AHNAK: variants seen among roughly 807,000 people sequenced by gnomAD.
The protein encoded by AHNAK is AHNAK nucleoprotein.
Under a neutral mutation model 37.8 loss-of-function variants are expected in AHNAK, and 23 were observed. The observed-to-expected ratio is 0.61, with a 90% CI of 0.44 to 0.86. AHNAK has a LOEUF of 0.86. Ranked by LOEUF, AHNAK falls within the 40% of genes least tolerant of loss-of-function variation. AHNAK has a pLI of 0.00. For synonymous variants in AHNAK, 2,481 were observed against 2,636.3 expected (o/e 0.94, Z 1.80); for missense variants, 7,411 against 7,319.4 (o/e 1.01, Z -0.46).
intron 4 of AHNAK, among the ~76,000 whole-genome samples, chr11:62,508,720 G>C (rs527437518): frequency 1.3e-5 from 2 of 152,232 alleles, no homozygotes; most frequent in Non-Finnish European, 2.9e-5. Context: ...CTGACGCCAC[G>C]GGGCAATTCA....
intron 5 of AHNAK, among the ~76,000 whole-genome samples, chr11:62,447,383 C>T (rs1302146976): frequency 6.6e-6 from 1 of 152,118 alleles, no homozygotes; most frequent in Non-Finnish European, 1.5e-5. Context: ...TGGGGACGAT[C>T]CCTCCATCAT....
In AHNAK at chr11:62,516,536, G is replaced by A. The variant is rs1250362741; in HGVS notation, c.*208C>T. ...ATACTGTTGACTTTGCACATGGGCT[G>A]GACGAACTTGGAACTCTTTACCTAT... is the stretch of plus-strand genomic sequence containing the variant. On this transcript the variant is annotated 3_prime_UTR_variant, in exon 5 of 5. Transcript: ENST00000378024. 3 of 1,416,486 alleles carry A rather than the reference G, an allele frequency of 2.1e-6. No homozygotes were observed. The highest frequency in any genetic ancestry group is 3.3e-5 in the South Asian group (2 of 61,394). The allele number at this position is 1,416,486 out of a possible 1,614,324, so 87.7% of individuals were successfully genotyped here.
At chr11:62,503,879 G>A (rs1283594646) in intron 4 of AHNAK, among the ~76,000 whole-genome samples, 1 of 152,056 alleles carries the variant, frequency 6.6e-6, no homozygotes, top group Non-Finnish European at 1.5e-5. Context: ...CCTGCCTCCA[G>A]GCCGGGCGTG....
At chr11:62,482,625 G>A (rs1590619633) in intron 5 of AHNAK, among the ~76,000 whole-genome samples, 1 of 151,948 alleles carries the variant, frequency 6.6e-6, no homozygotes, top group Non-Finnish European at 1.5e-5. Context: ...AAGCATTTAC[G>A]CCATGCCCGA....
At chr11:62,542,234 C>T (rs1941150802) in intron 1 of AHNAK, among the ~76,000 whole-genome samples, 1 of 151,958 alleles carries the variant, frequency 6.6e-6, no homozygotes, top group African/African-American at 2.4e-5. Context: ...CCAGCCTTCA[C>T]CGGCTCACAA....
chr11:62,478,098 G>A (rs1426997468), intron 5 of AHNAK, among the ~76,000 whole-genome samples: 6 of 152,196 alleles, frequency 3.9e-5, no homozygotes, highest in African/African-American at 1.4e-4. Context: ...GCTATCTTAA[G>A]AGCAGAGCCC....
Position 62,504,204 on chromosome 11 carries a change from AAGAG to A in AHNAK, c.343-12377_343-12374del, listed in dbSNP as rs575596216. Among the ~76,000 whole-genome samples, 231 of 151,896 alleles carry A rather than the reference AAGAG, an allele frequency of 1.5e-3. 1 individual carries two copies. Among genetic ancestry groups the A allele is most frequent in the African/African-American group, 5.1e-3 (213 of 41,458 alleles). On this transcript the variant is annotated intron_variant, in intron 4 of 5. Transcript: ENST00000257247. ...AGAGAGAAAGAAAAAGAAAGAAAGA[AAGAG>A]AGAGAGAGAAAGAAAGAGAGTCTTA...
At chr11:62,515,222 C>A (rs1939986079), downstream of AHNAK, among the ~76,000 whole-genome samples, 1 of 152,204 alleles carries the variant, frequency 6.6e-6, no homozygotes, top group Non-Finnish European at 1.5e-5. Flanking sequence ...ATAACTTACA[C>A]AAGATCAGCA....
In AHNAK at chr11:62,533,555, C is replaced by A; in HGVS notation, c.862G>T (p.Ala288Ser). The change falls in exon 5 of 5, where the codon GCA becomes TCA. Residue 288 changes from alanine to serine, a missense_variant. Physicochemically the swap from Ala to Ser is moderately conservative, Grantham distance 99. Transcript: ENST00000378024. The stretch of plus-strand genomic sequence containing the variant: ...AGAGATGGGCCCTGTACCTCTACTG[C>A]CCTACCCCCAAGAGAAGATGAAATG... ...VDISSSLGGR[A>S]VEVQGPSLES... 1 of 1,614,164 alleles carries A rather than the reference C, an allele frequency of 6.2e-7. No homozygotes were observed. The highest frequency in any genetic ancestry group is 8.5e-7 in the Non-Finnish European group (1 of 1,180,028).
At chr11:62,535,507 G>GT (rs1469603593) in intron 3 of AHNAK, among the ~76,000 whole-genome samples, 1 of 152,074 alleles carries the variant, frequency 6.6e-6, no homozygotes, top group African/African-American at 2.4e-5. Flanking sequence ...AATTAGTCTG[G>GT]TGTGGTGGTG....
At position 62,521,365 on chromosome 11, in the gene AHNAK, T is replaced by C. The variant is rs200917311; in HGVS notation, c.13052A>G (p.Lys4351Arg). The C allele has an allele frequency of 3.0e-5, 49 of 1,613,794 alleles. No homozygotes were observed. The highest frequency in any genetic ancestry group is 3.0e-5 in the Non-Finnish European group (35 of 1,180,008). ...GACATCAGGGGCATCAATGTCCACT[T>C]TGGGGCCAGAAATCTCAATGTCAGC... is the stretch of plus-strand genomic sequence containing the variant. ...PKADIEISGP[K>R]VDIDAPDVSI... The change falls in exon 5 of 5, where the codon AAA (lysine) becomes AGA (arginine). Residue 4351 changes from lysine to arginine, a missense_variant. By Grantham distance (26) the Lys-to-Arg change is conservative. Transcript: ENST00000378024.
At chr11:62,445,779 G>A (rs917651242) in intron 5 of AHNAK, among the ~76,000 whole-genome samples, 4 of 151,016 alleles carry the variant, frequency 2.6e-5, no homozygotes, top group Admixed American at 1.3e-4. Context: ...CACTTTGGGA[G>A]GCTGAGGCAG....
intron 5 of AHNAK, among the ~76,000 whole-genome samples, chr11:62,459,602 T>C (rs1938743149): frequency 1.3e-5 from 2 of 152,148 alleles, no homozygotes; most frequent in African/African-American, 4.8e-5. Flanking sequence ...CAAGCCCCTC[T>C]GCTGGGCAGA....
intron 5 of AHNAK, among the ~76,000 whole-genome samples, chr11:62,466,382 T>C (rs531582706): frequency 6.6e-6 from 1 of 152,148 alleles, no homozygotes; most frequent in South Asian, 2.1e-4. Flanking sequence ...AACACCAGAG[T>C]TGTATATAGC....
At chr11:62,459,622 G>A (rs990566965) in intron 5 of AHNAK, among the ~76,000 whole-genome samples, 8 of 152,136 alleles carry the variant, frequency 5.3e-5, no homozygotes, top group Non-Finnish European at 1.0e-4. Flanking sequence ...AAAATGACAG[G>A]AGCAGGAAAA....
In AHNAK at chr11:62,519,942, G is replaced by A. The variant is rs563165571; in HGVS notation, c.14475C>T (p.Ile4825=). 1.1e-5 allele frequency: 17 copies of A among 1,613,480 alleles called. No individual in the cohort carries two copies. Among genetic ancestry groups the A allele is most frequent in the Admixed American group, 5.0e-5 (3 of 59,936 alleles). ...KVDVDIPDVN[I]EGPDAKLKGP... ...CCTTCAGTTTTGCGTCTGGACCTTC[G>A]ATATTCACATCTGGAATATCAACGT... is the stretch of plus-strand genomic sequence containing the variant. The change falls in exon 5 of 5, where the codon ATC becomes ATT. Residue 4825 remains isoleucine, a synonymous_variant. Coordinates refer to ENST00000378024, the MANE Select transcript of AHNAK (RefSeq NM_001620.3).
intron 5 of AHNAK, among the ~76,000 whole-genome samples, chr11:62,484,105 A>G (rs1939340041): frequency 6.6e-6 from 1 of 151,302 alleles, no homozygotes; most frequent in African/African-American, 2.4e-5. Context: ...GGCTGGGTGC[A>G]ATGGCTCACA....
At chr11:62,472,248 C>T (rs1338524813) in intron 5 of AHNAK, among the ~76,000 whole-genome samples, 2 of 152,040 alleles carry the variant, frequency 1.3e-5, no homozygotes, top group Admixed American at 6.6e-5. Flanking sequence ...GGCTCTCACC[C>T]GACTCCTCTC....
intron 4 of AHNAK, among the ~76,000 whole-genome samples, chr11:62,504,236 T>C (rs180838370): frequency 1.3e-5 from 2 of 152,136 alleles, no homozygotes; most frequent in African/African-American, 4.8e-5. Context: ...GAGTCTTAGA[T>C]ATGATTCAAG....
Sources: gnomAD v4.1 joint callset for allele counts (sites outside exome capture counted in the v4.1 genomes callset) on GRCh38, gnomAD v4.1.1 for gene constraint, MANE v1.5 for transcripts, NCBI Gene and HGNC (gene_info 2026-07-23, HGNC 2026-07-21) for gene names.